Variants in SACS observed in about 807,000 individuals in gnomAD.
SACS encodes sacsin molecular chaperone.
SACS carries 197 observed loss-of-function variants against 348.0 expected under a neutral mutation model. The observed-to-expected ratio is 0.57, with a 90% CI of 0.50 to 0.64. The LOEUF (loss-of-function observed/expected upper bound fraction) is 0.64. Ranked by LOEUF, SACS falls within the 30% of genes least tolerant of loss-of-function variation. The probability of loss-of-function intolerance (pLI) is 0.00; values close to 1 mark genes in which losing one functional copy is unlikely to be tolerated. For missense variants in SACS, 4,999 were observed against 5,360.8 expected, an observed-to-expected ratio of 0.93 and a Z score of 2.11; for synonymous variants, 1,985 against 1,910.6, an observed-to-expected ratio of 1.04 and a Z score of -1.02.
chr13:23,331,837 T>C lies in SACS; in HGVS notation c.12039A>G (p.Thr4013=). 1 of 1,614,074 alleles carries C rather than the reference T, an allele frequency of 6.2e-7. No homozygotes were observed. The highest frequency in any genetic ancestry group is 8.5e-7 in the Non-Finnish European group (1 of 1,179,942). Residue 4013 remains threonine, a synonymous_variant, in exon 10 of 10, where the codon ACA becomes ACG. Transcript: ENST00000382292. ...CATGCTTCATAATTCTAATCAGTCCTGTAATGAACTGTTCAGAAGACAAGA... is the reference window on the plus strand; with the variant it reads ...CATGCTTCATAATTCTAATCAGTCCCGTAATGAACTGTTCAGAAGACAAGA... ...QLLLSSEQFI[T]GLIRIMKHEN... is the part of the protein sequence containing the mutation.
chr13:23,405,562 A>C (rs1459920277), intron 2 of SACS, among the ~76,000 whole-genome samples: 1 of 152,216 alleles, frequency 6.6e-6, no homozygotes, highest in Non-Finnish European at 1.5e-5. Context: ...ATGGGGTCTA[A>C]TTAAACTAAA....
In SACS at chr13:23,337,140, A is replaced by G; in HGVS notation, c.6736T>C (p.Tyr2246His). ...ACTATATCTTGATGTTCAGCTGTAT[A>G]AAGGTCAGTTGCTGCAAACATGGTT... ...PETMFAATDLYTAEHQDIVCL... is the reference protein window; with the variant it reads ...PETMFAATDLHTAEHQDIVCL... Residue 2246 changes from tyrosine (Y) to histidine (H), a missense_variant, in exon 10 of 10, where the codon TAT becomes CAT. By Grantham distance (83) the Tyr-to-His change is moderately conservative (BLOSUM62 2). Around this residue, in one of 6 missense-constraint regions of SACS, gnomAD observed 3,156 missense variants for 3,380.1 expected, o/e 0.93. Coordinates refer to ENST00000382292, the MANE Select transcript of SACS (RefSeq NM_014363.6). 6.2e-7 allele frequency: 1 copy of G among 1,614,028 alleles called. No homozygotes were observed.
At chr13:23,379,143 G>A (rs1434277019) in intron 2 of SACS, among the ~76,000 whole-genome samples, 3 of 152,048 alleles carry the variant, frequency 2.0e-5, no homozygotes, top group Non-Finnish European at 4.4e-5. Context: ...CAGCTCTCGC[G>A]CCTGCTGCTG....
At chr13:23,376,746 C>G (rs1871822938) in intron 2 of SACS, among the ~76,000 whole-genome samples, 1 of 152,166 alleles carries the variant, frequency 6.6e-6, no homozygotes, top group Non-Finnish European at 1.5e-5. Flanking sequence ...CCAGAAAGCC[C>G]TAAGGGCCAA....
chr13:23,331,412 AT>A lies in SACS; in HGVS notation c.12463del (p.Met4155CysfsTer19). 1 of 1,614,072 alleles carries A rather than the reference AT, an allele frequency of 6.2e-7. No individual in the cohort carries two copies. Among genetic ancestry groups the A allele is most frequent in the Non-Finnish European group, 8.5e-7 (1 of 1,179,954 alleles). On this transcript the variant is annotated frameshift_variant, in exon 10 of 10. Transcript: ENST00000382292. LOFTEE classifies it high-confidence loss of function. The stretch of plus-strand genomic sequence containing the variant: ...TTCAGCAGGAATTGGTGTGCCAGGC[AT>A]TGGAAGTTCCAGTTTTGATGGCTCC... ...SSEPSKLELP[M>X]PGTPIPAEIH...
At chr13:23,406,113 A>G (rs545746622) in intron 2 of SACS, among the ~76,000 whole-genome samples, 1 of 152,246 alleles carries the variant, frequency 6.6e-6, no homozygotes, top group East Asian at 1.9e-4. Context: ...TCACAATAGC[A>G]AAGATTGGAA....
At chr13:23,353,098 G>A (rs1363178497) in intron 9 of SACS, among the ~76,000 whole-genome samples, 1 of 152,146 alleles carries the variant, frequency 6.6e-6, no homozygotes, top group Non-Finnish European at 1.5e-5. Context: ...GGAAAAGGAT[G>A]CTTGCAGAAG....
At chr13:23,350,637 A>G (rs1478987810) in intron 9 of SACS, among the ~76,000 whole-genome samples, 1 of 152,214 alleles carries the variant, frequency 6.6e-6, no homozygotes, top group African/African-American at 2.4e-5. Flanking sequence ...CTGATCACTC[A>G]TAAACAGAAT....
chr13:23,412,748 T>C (rs749209432), intron 1 of SACS, among the ~76,000 whole-genome samples: 2 of 152,030 alleles, frequency 1.3e-5, no homozygotes, highest in Non-Finnish European at 2.9e-5. Context: ...CAATAATAAC[T>C]CATGTTTGAA....
intron 2 of SACS, among the ~76,000 whole-genome samples, chr13:23,409,559 G>A (rs2137957605): frequency 6.8e-6 from 1 of 147,492 alleles, no homozygotes; most frequent in East Asian, 2.0e-4. Flanking sequence ...TGTTGGTCAG[G>A]CTAGTCTGGA....
Position 23,375,197 on chromosome 13 carries a change from C to T in SACS, c.93G>A (p.Val31=). ...RTVAALASWT[V]RDVKERIFAE... ...CGAAGATACGTTCCTTCACATCGCGCACGGTCCAGGACGCCAGCGCCGCGA... is the reference window on the plus strand; with the variant it reads ...CGAAGATACGTTCCTTCACATCGCGTACGGTCCAGGACGCCAGCGCCGCGA... Residue 31 remains valine (V), a synonymous_variant, in exon 3 of 10, where the codon GTG becomes GTA. Transcript: ENST00000382292. The T allele has an allele frequency of 6.6e-7, 1 of 1,506,110 alleles. No individual in the cohort carries two copies. The highest frequency in any genetic ancestry group is 8.9e-7 in the Non-Finnish European group (1 of 1,127,628). The allele number at this position is 1,506,110 out of a possible 1,614,324, so 93.3% of individuals were successfully genotyped here.
At position 23,335,928 on chromosome 13, in the gene SACS, G is replaced by T. The variant is rs746815833; in HGVS notation, c.7948C>A (p.Pro2650Thr). The change falls in exon 10 of 10, where the codon CCT becomes ACT. Residue 2650 changes from proline (P) to threonine (T), a missense_variant. Physicochemically the swap from Pro to Thr is conservative, Grantham distance 38 (BLOSUM62 -1). Around this residue, in one of 6 missense-constraint regions of SACS, gnomAD observed 3,156 missense variants for 3,380.1 expected, o/e 0.93. Transcript: ENST00000382292. This position sits in a 1 kb window ranked among gnomAD's most constrained non-coding sequence, Gnocchi z 4.7. ...GCCCCTGGTGCATATCTGGCATGAG[G>T]ATCAAAAATACACAGGATGTCATTG... ...SGNDILCIFD[P>T]HARYAPGATS... 5 of 1,612,724 alleles carry T rather than the reference G, an allele frequency of 3.1e-6. No individual in the cohort carries two copies. The highest frequency in any genetic ancestry group is 4.2e-6 in the Non-Finnish European group (5 of 1,178,934).
rs1309405788 is a variant in SACS, at chr13:23,330,157, A to G, written c.13719T>C (p.Asn4573=). 4 of 1,613,786 alleles carry G rather than the reference A, an allele frequency of 2.5e-6. No homozygotes were observed. The highest frequency in any genetic ancestry group is 2.7e-5 in the African/African-American group (2 of 74,898). ...CTACIIIKLE[N]FMQQKV ...ATCTTCACACTTTTTGTTGCATAAA[A>G]TTTTCAAGTTTTATTATGATACAGG... The change falls in exon 10 of 10, where the codon AAT becomes AAC. Residue 4573 remains asparagine, a synonymous_variant. Coordinates refer to ENST00000382292, the MANE Select transcript of SACS (RefSeq NM_014363.6).
intron 2 of SACS, among the ~76,000 whole-genome samples, chr13:23,409,933 T>C (rs976220962): frequency 2.6e-5 from 4 of 152,184 alleles, no homozygotes; most frequent in Non-Finnish European, 5.9e-5. Context: ...ACATTTATAG[T>C]TAGTGTCAGC....
At chr13:23,372,194 T>C (rs1317445986) in intron 3 of SACS, among the ~76,000 whole-genome samples, 1 of 152,166 alleles carries the variant, frequency 6.6e-6, no homozygotes, top group Non-Finnish European at 1.5e-5. Context: ...AATACGTGCA[T>C]GAAAGTATTT....
rs886050075 is a variant in SACS, at chr13:23,332,467, C to A, written c.11409G>T (p.Trp3803Cys). 7 of 1,613,880 alleles carry A rather than the reference C, an allele frequency of 4.3e-6. No individual in the cohort carries two copies. The Admixed American group carries it at 5.0e-5, about 12-fold the overall frequency. The change falls in exon 10 of 10, where the codon TGG (tryptophan) becomes TGT (cysteine). Residue 3803 changes from tryptophan (W) to cysteine (C), a missense_variant. Coordinates refer to ENST00000382292, the MANE Select transcript of SACS (RefSeq NM_014363.6). ...GVAFVMVEDG[W>C]KLLKPEEVVI... Reference sequence around the variant, plus strand: ...CTACCTCCTCAGGCTTCAGAAGTTTCCAACCATCTTCTACCATCACAAAAG... The same window carrying A: ...CTACCTCCTCAGGCTTCAGAAGTTTACAACCATCTTCTACCATCACAAAAG...
At chr13:23,421,861 T>C (rs916181483) in intron 1 of SACS, among the ~76,000 whole-genome samples, 9 of 151,964 alleles carry the variant, frequency 5.9e-5, no homozygotes, top group Non-Finnish European at 1.3e-4. Context: ...CCCTGGTATT[T>C]ACCTGGGGCC....
intron 1 of SACS, chr13:23,427,465 T>C (rs7998371): frequency 0.066 from 10,088 of 152,310 alleles, 412 homozygotes; most frequent in African/African-American, 0.12. Flanking sequence ...TTTTGGCATA[T>C]GGGCTTGACC....
intron 1 of SACS, among the ~76,000 whole-genome samples, chr13:23,418,157 A>T (rs951300316): frequency 2.6e-5 from 4 of 152,132 alleles, no homozygotes; most frequent in Non-Finnish European, 5.9e-5. Flanking sequence ...GCCACACAGC[A>T]ATCAGCAAAA....
Sources: allele counts gnomAD v4.1 joint callset (sites outside exome capture counted in the v4.1 genomes callset), GRCh38; gene constraint gnomAD v4.1.1; regional missense constraint gnomAD v4.1.1; non-coding constraint Gnocchi (gnomAD v3.1); transcripts MANE v1.5; gene names NCBI Gene and HGNC (gene_info 2026-07-23, HGNC 2026-07-21).